The following DDX18 variants were observed in gnomAD, a reference collection of about 807,000 sequenced individuals.
The protein encoded by DDX18 is DEAD-box helicase 18.
Under a neutral mutation model 73.5 loss-of-function variants are expected in DDX18, and 23 were observed. The observed-to-expected ratio is 0.31, with a 90% CI of 0.23 to 0.44. The LOEUF is 0.44. Among genes scored for constraint, DDX18 ranks in the 20% least tolerant of loss-of-function variants. The pLI is 1.00. For missense variants in DDX18, 753 were observed against 792.9 expected (o/e 0.95, Z 0.60); for synonymous variants, 268 against 282.7 (o/e 0.95, Z 0.52).
rs892485964 is a variant in DDX18, at chr2:117,832,001, C to T, written c.*1277C>T. 1.3e-5 allele frequency: 2 copies of T among 152,238 alleles called. No homozygotes were observed. Among genetic ancestry groups the T allele is most frequent in the African/African-American group, 2.4e-5 (1 of 41,434 alleles). The allele number at this position is 152,238 out of a possible 1,614,324, so 9.4% of individuals were successfully genotyped here. A position where few individuals can be genotyped will look rare whatever the true frequency, so the allele number is the denominator to read the frequency against. On this transcript the variant is annotated 3_prime_UTR_variant, in exon 14 of 14. Coordinates refer to ENST00000263239, the MANE Select transcript of DDX18 (RefSeq NM_006773.4). ...ACATTCCAGTAGGAAAAGAAAAGAA[C>T]AATCTTCCATTTCTGGGCTTGGCCA...
chr2:117,830,730 T>C lies in DDX18; in HGVS notation c.*6T>C, dbSNP rs200609923. Reference sequence around the variant, plus strand: ...GCAGGCAGTTCTCTCACTGAACACATGCCTTCCTTTCATCTTGAATAACTT... The same window carrying C: ...GCAGGCAGTTCTCTCACTGAACACACGCCTTCCTTTCATCTTGAATAACTT... On this transcript the variant is annotated 3_prime_UTR_variant, in exon 14 of 14. Coordinates refer to ENST00000263239, the MANE Select transcript of DDX18 (RefSeq NM_006773.4). 1,687 of 1,609,798 alleles carry C rather than the reference T, an allele frequency of 1.0e-3. 5 individuals carry two copies. Among genetic ancestry groups the C allele is most frequent in the Non-Finnish European group, 7.9e-4 (934 of 1,178,964 alleles).
In DDX18 at chr2:117,826,258, C is replaced by G; in HGVS notation, c.1522-11C>G. On this transcript the variant is annotated splice_polypyrimidine_tract_variant and intron_variant, in intron 10 of 13. Transcript: ENST00000263239. The stretch of plus-strand genomic sequence containing the variant: ...CACTGCGTTAACTCAGATTTTCTTT[C>G]TCCACCAAAGGAATATATTCATCGT... The G allele has an allele frequency of 6.2e-7, 1 of 1,609,800 alleles. No homozygotes were observed. The highest frequency in any genetic ancestry group is 8.5e-7 in the Non-Finnish European group (1 of 1,177,156).
At chr2:117,818,239 G>T (rs1230287695) in intron 2 of DDX18, among the ~76,000 whole-genome samples, 1 of 152,144 alleles carries the variant, frequency 6.6e-6, no homozygotes, top group Non-Finnish European at 1.5e-5. Flanking sequence ...ATTGAGATTT[G>T]TATAAGCAGA....
Position 117,829,541 on chromosome 2 carries a change from A to G in DDX18, c.1870+75A>G, listed in dbSNP as rs545454761. On this transcript the variant is annotated intron_variant, in intron 13 of 13. Transcript: ENST00000263239. ...GACAGAGGGGCATTTGGGGCTTTGC[A>G]GTGGATTGGTATGTGTTCTGGCTCA... 54 of 1,394,844 alleles carry G rather than the reference A, an allele frequency of 3.9e-5. No homozygotes were observed. The African/African-American group carries it at 6.6e-4, about 17-fold the overall frequency. 86.4% of individuals were successfully genotyped at this position (1,394,844 alleles called of 1,614,324 possible).
In DDX18 at chr2:117,822,026, G is replaced by A. The variant is rs1679854176; in HGVS notation, c.916G>A (p.Val306Met). 1 of 1,613,908 alleles carries A rather than the reference G, an allele frequency of 6.2e-7. No individual in the cohort carries two copies. The highest frequency in any genetic ancestry group is 8.5e-7 in the Non-Finnish European group (1 of 1,179,940). ...ACTTGGTAATGGGATCAACATCATTGTGGCCACACCAGGCCGTCTGCTGGA... is the reference window on the plus strand; with the variant it reads ...ACTTGGTAATGGGATCAACATCATTATGGCCACACCAGGCCGTCTGCTGGA... ...QKLGNGINII[V>M]ATPGRLLDHM... Residue 306 changes from valine (V) to methionine (M), a missense_variant, in exon 6 of 14, where the codon GTG (valine) becomes ATG (methionine). By Grantham distance (21) the Val-to-Met change is conservative. Coordinates refer to ENST00000263239, the MANE Select transcript of DDX18 (RefSeq NM_006773.4).
At chr2:117,815,918 C>T (rs941251928) in intron 1 of DDX18, among the ~76,000 whole-genome samples, 1 of 152,148 alleles carries the variant, frequency 6.6e-6, no homozygotes, top group African/African-American at 2.4e-5. Context: ...CTACTACACA[C>T]CCAGGCTACA....
chr2:117,826,455 C>A, intron 11 of DDX18, 73 bp downstream of exon 11: 1 of 1,412,768 alleles, frequency 7.1e-7, no homozygotes, highest in Non-Finnish European at 9.9e-7. Context: ...CTACATGTGT[C>A]AGAGGAGTCT....
At chr2:117,825,298 C>T (rs1679906638) in intron 9 of DDX18, 149 bp from the exon 10 acceptor site, 2 of 1,189,816 alleles carry the variant, frequency 1.7e-6, no homozygotes, top group African/African-American at 3.1e-5. Flanking sequence ...AGACACCATC[C>T]TCCTTGAGGG....
rs1325956689 is a variant in DDX18, at chr2:117,817,674, G to T, written c.316G>T (p.Glu106Ter). Residue 106 changes from glutamate to a stop codon, truncating the protein, a stop_gained, in exon 2 of 14, where the codon GAA (glutamate) becomes TAA (stop). Transcript: ENST00000263239. LOFTEE classifies it high-confidence loss of function. ...GEAAMQSSNS[E>*]SKKKKKKKRK... Reference sequence around the variant, plus strand: ...AGCAGCAATGCAGTCTTCCAATTCAGAATCAAAAAAGAAAAAGAAGAAAAA... The same window carrying T: ...AGCAGCAATGCAGTCTTCCAATTCATAATCAAAAAAGAAAAAGAAGAAAAA... 1 of 1,603,932 alleles carries T rather than the reference G, an allele frequency of 6.2e-7. No homozygotes were observed. Among genetic ancestry groups the T allele is most frequent in the Non-Finnish European group, 8.5e-7 (1 of 1,177,542 alleles).
intron 4 of DDX18, 97 bp downstream of exon 4, chr2:117,821,393 T>C: frequency 7.1e-7 from 1 of 1,411,382 alleles, no homozygotes; most frequent in Non-Finnish European, 9.6e-7. Flanking sequence ...TTGTACTATA[T>C]GTTGGGTCAT....
chr2:117,821,770 T>C lies in DDX18; in HGVS notation c.751+20T>C. On this transcript the variant is annotated intron_variant, in intron 5 of 13. Transcript: ENST00000263239. ...GGAATGGTAAGCGTTCATCTGCTTG[T>C]TTCTGCCATTATTTCACTAGAGGTT... 6.2e-7 allele frequency: 1 copy of C among 1,613,874 alleles called. No homozygotes were observed. Among genetic ancestry groups the C allele is most frequent in the Non-Finnish European group, 8.5e-7 (1 of 1,179,832 alleles).
intron 9 of DDX18, 28 bp downstream of exon 9, chr2:117,825,129 A>G: frequency 6.3e-7 from 1 of 1,598,608 alleles, no homozygotes; most frequent in Non-Finnish European, 8.5e-7. Context: ...GCTCATTGAA[A>G]ACAGGGTATG....
rs1680009803 is a variant in DDX18, at chr2:117,830,762, A to G, written c.*38A>G. On this transcript the variant is annotated 3_prime_UTR_variant, in exon 14 of 14. Transcript: ENST00000263239. ...CTTTCATCTTGAATAACTTTGTCCT[A>G]AAATGAATTTTTTTTCCCCTTGATT... 6.3e-7 allele frequency: 1 copy of G among 1,597,692 alleles called. No individual in the cohort carries two copies. Among genetic ancestry groups the G allele is most frequent in the Non-Finnish European group, 8.5e-7 (1 of 1,176,028 alleles).
intron 1 of DDX18, among the ~76,000 whole-genome samples, chr2:117,815,989 G>T (rs564331073): frequency 3.7e-4 from 56 of 152,278 alleles, no homozygotes; most frequent in African/African-American, 1.2e-3. Context: ...ACTATACTCA[G>T]AGAATTGTAA....
rs776428572 is a variant in DDX18 at position 117,826,362 on chromosome 2, C to T, written c.1615C>T (p.Arg539Cys). The T allele has an allele frequency of 1.1e-5, 18 of 1,613,862 alleles. No homozygotes were observed. Among genetic ancestry groups the T allele is most frequent in the South Asian group, 7.7e-5 (7 of 91,026 alleles). Residue 539 changes from arginine (R) to cysteine (C), a missense_variant, in exon 11 of 14, where the codon CGC becomes TGC. This residue lies in a region of DDX18 where 402 missense variants were observed against 419.4 expected (regional missense o/e 0.96). Transcript: ENST00000263239. ...GCGCCCAGAAGAATTGGGTTTTCTT[C>T]GCTACTTGAAACAATCCAAGGTAAA... ...ILRPEELGFL[R>C]YLKQSKVPLS...
In DDX18 at chr2:117,817,700, G is replaced by C; in HGVS notation, c.342G>C (p.Lys114Asn). ...NSESKKKKKKKRKMVNDAEPD... is the reference protein window; with the variant it reads ...NSESKKKKKKNRKMVNDAEPD... The stretch of plus-strand genomic sequence containing the variant: ...AATCAAAAAAGAAAAAGAAGAAAAA[G>C]AGAAAAATGGTGAATGATGCTGAGC... The change falls in exon 2 of 14, where the codon AAG becomes AAC. Residue 114 changes from lysine (K) to asparagine (N), a missense_variant. Physicochemically the swap from Lys to Asn is moderately conservative, Grantham distance 94 (BLOSUM62 0). Transcript: ENST00000263239. The C allele has an allele frequency of 1.2e-6, 2 of 1,603,630 alleles. No individual in the cohort carries two copies. Among genetic ancestry groups the C allele is most frequent in the Non-Finnish European group, 1.7e-6 (2 of 1,177,430 alleles).
intron 7 of DDX18, 132 bp from the exon 8 acceptor site, chr2:117,824,437 T>C: frequency 2.3e-6 from 2 of 873,582 alleles, no homozygotes; most frequent in Non-Finnish European, 3.1e-6. Flanking sequence ...TTACCTTTTG[T>C]AATATTTGTA....
intron 7 of DDX18, among the ~76,000 whole-genome samples, chr2:117,824,074 A>G (rs1383602529): frequency 6.6e-6 from 1 of 152,186 alleles, no homozygotes. Context: ...AATTTTGTAT[A>G]TGTGCTCACG....
chr2:117,821,954 T>G lies in DDX18; in HGVS notation c.844T>G (p.Tyr282Asp). 6.2e-7 allele frequency: 1 copy of G among 1,614,076 alleles called. No individual in the cohort carries two copies. The highest frequency in any genetic ancestry group is 8.5e-7 in the Non-Finnish European group (1 of 1,179,958). The change falls in exon 6 of 14, where the codon TAT (tyrosine) becomes GAT (aspartate). Residue 282 changes from tyrosine to aspartate, a missense_variant. Transcript: ENST00000263239. ...GCTGATGACTCACCACGTGCATACC[T>G]ATGGCTTGATAATGGGTGGCAGTAA... ...KELMTHHVHT[Y>D]GLIMGGSNRS...
Sources: gnomAD v4.1 joint callset for allele counts (sites outside exome capture counted in the v4.1 genomes callset) on GRCh38, gnomAD v4.1.1 for gene constraint, gnomAD v4.1.1 regional missense constraint, MANE v1.5 for transcripts, NCBI Gene and HGNC (gene_info 2026-07-23, HGNC 2026-07-21) for gene names.